NUDT3: variants seen among roughly 807,000 people sequenced by gnomAD.
NUDT3 encodes diphosphoinositol polyphosphate phosphohydrolase 1.
In NUDT3, 9 loss-of-function variants were observed where a neutral mutation model predicts 23.6. The ratio of observed to expected loss-of-function variants is 0.38; its 90% confidence interval spans 0.23 to 0.66. The LOEUF is 0.66. Among genes scored for constraint, NUDT3 ranks in the 30% least tolerant of loss-of-function variants. NUDT3 has a pLI of 0.52. For synonymous variants in NUDT3, 86 were observed against 82.6 expected, an observed-to-expected ratio of 1.04 and a Z score of -0.22; for missense variants, 172 against 218.5, an observed-to-expected ratio of 0.79 and a Z score of 1.34.
chr6:34,385,464 G>T (rs1765090509), intron 1 of NUDT3, among the ~76,000 whole-genome samples: 1 of 152,118 alleles, frequency 6.6e-6, no homozygotes, highest in African/African-American at 2.4e-5. Context: ...TCTTTGTAGG[G>T]CCAAGATCTT....
chr6:34,321,665 C>T (rs1763944494), intron 2 of NUDT3, among the ~76,000 whole-genome samples: 1 of 152,024 alleles, frequency 6.6e-6, no homozygotes, highest in Non-Finnish European at 1.5e-5. Flanking sequence ...ACTATCTTTC[C>T]CAATCCATTC....
chr6:34,304,975 A>ATTTT (rs535349190), intron 2 of NUDT3, among the ~76,000 whole-genome samples: 31 of 85,348 alleles, frequency 3.6e-4, no homozygotes, highest in African/African-American at 1.0e-3. Flanking sequence ...CCCGGTCTGA[A>ATTTT]TTTTTTTTTT....
intron 2 of NUDT3, among the ~76,000 whole-genome samples, chr6:34,303,571 G>A (rs143098795): frequency 1.2e-3 from 187 of 152,124 alleles, no homozygotes; most frequent in African/African-American, 4.2e-3. Context: ...TCAAAAATAC[G>A]ATGTTTGCTA....
chr6:34,361,347 T>C (rs972812434), intron 1 of NUDT3, among the ~76,000 whole-genome samples: 1 of 152,188 alleles, frequency 6.6e-6, no homozygotes, highest in Admixed American at 6.5e-5. Context: ...CCTATTAGAA[T>C]AGCCAAAATC....
At chr6:34,336,894 A>G (rs1764216907) in intron 2 of NUDT3, among the ~76,000 whole-genome samples, 1 of 152,246 alleles carries the variant, frequency 6.6e-6, no homozygotes, top group South Asian at 2.1e-4. Context: ...TTACAAATAA[A>G]AAATCAGATC....
At position 34,341,856 on chromosome 6, in the gene NUDT3, G is replaced by A. The variant is rs955061746; in HGVS notation, c.210+6C>T. On this transcript the variant is annotated splice_donor_region_variant and intron_variant, in intron 2 of 4. Coordinates refer to ENST00000607016, the MANE Select transcript of NUDT3 (RefSeq NM_006703.4). ...CACAGCTGTGCCCTCTCTTCTCCAT[G>A]CATACCTCCTCACAGACTTCACGAA... 30 of 1,613,194 alleles carry A rather than the reference G, an allele frequency of 1.9e-5. No individual in the cohort carries two copies. The highest frequency in any genetic ancestry group is 2.5e-5 in the Non-Finnish European group (30 of 1,179,358).
At chr6:34,349,691 C>T (rs1424755256) in intron 1 of NUDT3, among the ~76,000 whole-genome samples, 1 of 150,566 alleles carries the variant, frequency 6.6e-6, no homozygotes, top group Non-Finnish European at 1.5e-5. Context: ...CCACTATCCA[C>T]CTTGGTATCA....
At chr6:34,366,158 G>T (rs888965459) in intron 1 of NUDT3, among the ~76,000 whole-genome samples, 2 of 151,054 alleles carry the variant, frequency 1.3e-5, no homozygotes, top group East Asian at 1.9e-4. Flanking sequence ...CTTGAGCCCA[G>T]GAGTTCAAAA....
rs886740410 is a variant in NUDT3, at chr6:34,287,045, C to T, written c.*1708G>A. 14 of 152,216 alleles carry T rather than the reference C, an allele frequency of 9.2e-5. No individual in the cohort carries two copies. Among genetic ancestry groups the T allele is most frequent in the African/African-American group, 3.1e-4 (13 of 41,522 alleles). The allele number at this position is 152,216 out of a possible 1,614,324, so 9.4% of individuals were successfully genotyped here. On this transcript the variant is annotated 3_prime_UTR_variant, in exon 5 of 5. Coordinates refer to ENST00000607016, the MANE Select transcript of NUDT3 (RefSeq NM_006703.4). ...CCACCTGCCTCAGCCTCCCAAAGTG[C>T]TGGGATTACAGGTGTGAGCCACCGT...
At chr6:34,345,996 C>T (rs1185497620) in intron 1 of NUDT3, among the ~76,000 whole-genome samples, 20 of 151,846 alleles carry the variant, frequency 1.3e-4, no homozygotes, top group African/African-American at 4.4e-4. Context: ...CTCGAACTCC[C>T]GAACTCAGGT....
intron 2 of NUDT3, among the ~76,000 whole-genome samples, chr6:34,340,533 C>A (rs1421464331): frequency 6.6e-6 from 1 of 152,172 alleles, no homozygotes; most frequent in Non-Finnish European, 1.5e-5. Context: ...AGGATTCCCA[C>A]GTCAATGTTC....
intron 2 of NUDT3, 55 bp downstream of exon 2, chr6:34,341,807 T>C (rs1386712259): frequency 1.3e-5 from 19 of 1,518,956 alleles, no homozygotes; most frequent in African/African-American, 4.1e-5. Flanking sequence ...ACTACACAGA[T>C]AGGACAGGTT....
chr6:34,368,123 C>A (rs1764768319), intron 1 of NUDT3, among the ~76,000 whole-genome samples: 1 of 152,188 alleles, frequency 6.6e-6, no homozygotes, highest in African/African-American at 2.4e-5. Flanking sequence ...ATCACTTGAA[C>A]CCAGGAGGCA....
intron 1 of NUDT3, among the ~76,000 whole-genome samples, chr6:34,349,137 G>A (rs919338355): frequency 2.6e-5 from 4 of 152,146 alleles, no homozygotes; most frequent in Non-Finnish European, 4.4e-5. Context: ...CTGGGCTCAA[G>A]GGATCCTCCT....
chr6:34,303,212 T>A (rs1763627691), intron 2 of NUDT3, among the ~76,000 whole-genome samples: 1 of 145,560 alleles, frequency 6.9e-6, no homozygotes, highest in South Asian at 2.3e-4. Context: ...TTTTTTTTTT[T>A]TTTTTTTTTT....
rs140920387 is a variant in NUDT3 at position 34,333,638 on chromosome 6, A to G, written c.210+8224T>C. On this transcript the variant is annotated intron_variant, in intron 2 of 4. Coordinates refer to ENST00000607016, the MANE Select transcript of NUDT3 (RefSeq NM_006703.4). ...TTTTCTCTCCTGTAAAATGTAGATA[A>G]TAACAGTTCCTACTACATACACAGG... is the stretch of plus-strand genomic sequence containing the variant. 1.2e-3 allele frequency among the ~76,000 whole-genome samples: 184 copies of G among 152,362 alleles called. 1 individual carries two copies. In the East Asian group the frequency reaches 0.013, roughly 11 times the overall value.
At chr6:34,381,051 CTG>C (rs1561924696) in intron 1 of NUDT3, among the ~76,000 whole-genome samples, 1 of 152,176 alleles carries the variant, frequency 6.6e-6, no homozygotes, top group African/African-American at 2.4e-5. Context: ...GGGTCTTACT[CTG>C]TCACCCAGGC....
At chr6:34,378,966 T>C (rs7750807) in intron 1 of NUDT3, among the ~76,000 whole-genome samples, 1,610 of 152,230 alleles carry the variant, frequency 0.011, 27 homozygotes, top group African/African-American at 0.037. Flanking sequence ...AGTCTGGCCA[T>C]AGCACACCCT....
rs911511497 is a variant in NUDT3 at position 34,285,136 on chromosome 6, T to C, written c.*3617A>G. 4 of 152,196 alleles carry C rather than the reference T, an allele frequency of 2.6e-5. No homozygotes were observed. The highest frequency in any genetic ancestry group is 9.6e-5 in the African/African-American group (4 of 41,458). The allele number at this position is 152,196 out of a possible 1,614,324, so 9.4% of individuals were successfully genotyped here. A position where few individuals can be genotyped will look rare whatever the true frequency, so the allele number is the denominator to read the frequency against. On this transcript the variant is annotated 3_prime_UTR_variant, in exon 5 of 5. Coordinates refer to ENST00000607016, the MANE Select transcript of NUDT3 (RefSeq NM_006703.4). The stretch of plus-strand genomic sequence containing the variant: ...TAGATCTAGCAGTGAGAGAGCCCTC[T>C]CCATGCAGGGCAGATGGAGTGGTGG...
Sources: allele counts gnomAD v4.1 joint callset (sites outside exome capture counted in the v4.1 genomes callset), GRCh38; gene constraint gnomAD v4.1.1; transcripts MANE v1.5; gene names NCBI Gene and HGNC (gene_info 2026-07-23, HGNC 2026-07-21).